Variants in CHRNA1 observed in about 807,000 individuals in gnomAD.
CHRNA1 encodes the protein acetylcholine receptor subunit alpha.
A neutral mutation model predicts 47.1 loss-of-function variants in CHRNA1; 35 were observed. That is an observed-to-expected ratio of 0.74 (90% CI 0.57 to 0.99). CHRNA1 has a LOEUF of 0.99. CHRNA1 is among the 50% of genes least tolerant of loss of function. The probability of loss-of-function intolerance (pLI) is 0.00; values close to 1 mark genes in which losing one functional copy is unlikely to be tolerated. For synonymous variants in CHRNA1, 229 were observed against 223.6 expected, an observed-to-expected ratio of 1.02 and a Z score of -0.22; for missense variants, 506 against 591.1, an observed-to-expected ratio of 0.86 and a Z score of 1.49.
At chr2:174,753,469 C>T (rs751447629) in intron 6 of CHRNA1, 34 bp downstream of exon 6, 20 of 1,576,768 alleles carry the variant, frequency 1.3e-5, no homozygotes, top group African/African-American at 5.4e-5. Context: ...GACCCATCAG[C>T]GTCAGCAGCA....
chr2:174,753,330 AC>A (rs1210416679), intron 6 of CHRNA1, 172 bp downstream of exon 6: 8 of 780,846 alleles, frequency 1.0e-5, no homozygotes, highest in Non-Finnish European at 1.9e-5. Flanking sequence ...TGTGAGCTCC[AC>A]TCACAGTGAC....
At chr2:174,754,453 C>T (rs1683932898) in intron 4 of CHRNA1, 39 bp from the exon 5 acceptor site, 2 of 1,568,658 alleles carry the variant, frequency 1.3e-6, no homozygotes, top group African/African-American at 1.4e-5. Context: ...CTCCAAGTGA[C>T]AGATGAGCCT....
intron 7 of CHRNA1, among the ~76,000 whole-genome samples, chr2:174,749,697 G>A (rs1163774579): frequency 6.6e-6 from 1 of 152,222 alleles, no homozygotes; most frequent in Non-Finnish European, 1.5e-5. Context: ...TCTGATCAAA[G>A]AGATTCTTTA....
Position 174,748,778 on chromosome 2 carries a change from T to C in CHRNA1, c.1044A>G (p.Thr348=). 1 of 1,614,184 alleles carries C rather than the reference T, an allele frequency of 6.2e-7. No homozygotes were observed. The highest frequency in any genetic ancestry group is 8.5e-7 in the Non-Finnish European group (1 of 1,180,034). Residue 348 remains threonine, a synonymous_variant, in exon 8 of 9, where the codon ACA becomes ACG. Coordinates refer to ENST00000348749, the MANE Select transcript of CHRNA1 (RefSeq NM_000079.4). ...GCTTTTCTCTGGATGGTCTTTTCAT[T>C]GTGGAGAAAAACATGATATTTGGGA... ...DTIPNIMFFS[T]MKRPSREKQD... is the part of the protein sequence containing the mutation.
chr2:174,755,979 T>C (rs1003964133), intron 4 of CHRNA1, among the ~76,000 whole-genome samples: 4 of 149,174 alleles, frequency 2.7e-5, no homozygotes, highest in Admixed American at 2.7e-4. Flanking sequence ...AAGGTTGCAA[T>C]GAGCTATGAT....
At chr2:174,758,461 C>T (rs1011066200) in intron 3 of CHRNA1, among the ~76,000 whole-genome samples, 9 of 152,060 alleles carry the variant, frequency 5.9e-5, no homozygotes, top group African/African-American at 1.7e-4. Context: ...CAAAATGCTC[C>T]GAAATCCAAA....
chr2:174,757,716 A>T, intron 3 of CHRNA1, 41 bp from the exon 4 acceptor site: 1 of 1,539,866 alleles, frequency 6.5e-7, no homozygotes. Context: ...AGCCAAAAAC[A>T]CTTTCTAAAA....
intron 1 of CHRNA1, among the ~76,000 whole-genome samples, chr2:174,763,330 G>GCGCACACACA (rs1553470210): frequency 3.3e-4 from 18 of 55,062 alleles, no homozygotes; most frequent in Non-Finnish European, 4.5e-4. Flanking sequence ...GCACGCGCGC[G>GCGCACACACA]CACACACACA....
chr2:174,752,207 AT>A (rs1683868127), intron 6 of CHRNA1, among the ~76,000 whole-genome samples: 1 of 151,248 alleles, frequency 6.6e-6, no homozygotes, highest in Non-Finnish European at 1.5e-5. Context: ...CTATTTATTT[AT>A]TTTTTTAATG....
intron 7 of CHRNA1, 83 bp from the exon 8 acceptor site, chr2:174,748,902 T>C: frequency 1.3e-6 from 2 of 1,569,524 alleles, no homozygotes; most frequent in Non-Finnish European, 1.7e-6. Context: ...ATCAATGTGA[T>C]TTGGGGTAAG....
chr2:174,748,783 A>T lies in CHRNA1; in HGVS notation c.1039T>A (p.Ser347Thr). Residue 347 changes from serine (S) to threonine (T), a missense_variant, in exon 8 of 9, where the codon TCC becomes ACC. Transcript: ENST00000348749. ...TCTCTGGATGGTCTTTTCATTGTGG[A>T]GAAAAACATGATATTTGGGATAGTG... The part of the protein sequence containing the change: ...IDTIPNIMFF[S>T]TMKRPSREKQ... 6.2e-7 allele frequency: 1 copy of T among 1,614,200 alleles called. No homozygotes were observed. The highest frequency in any genetic ancestry group is 8.5e-7 in the Non-Finnish European group (1 of 1,180,034).
chr2:174,748,457 G>A (rs1356926619), intron 8 of CHRNA1, 123 bp downstream of exon 8: 4 of 1,432,496 alleles, frequency 2.8e-6, no homozygotes, highest in East Asian at 2.5e-5. Context: ...GGTCACCAGG[G>A]TTCATCTTAG....
chr2:174,764,235 T>C lies in CHRNA1; in HGVS notation c.43+117A>G, dbSNP rs867123063. On this transcript the variant is annotated intron_variant, in intron 1 of 8. Coordinates refer to ENST00000348749, the MANE Select transcript of CHRNA1 (RefSeq NM_000079.4). ...AAGAAACTGACAGAGCAGCCCCTGGTTGGGGAGGCTCTGCCATTCTGTGGT... is the reference window on the plus strand; with the variant it reads ...AAGAAACTGACAGAGCAGCCCCTGGCTGGGGAGGCTCTGCCATTCTGTGGT... The C allele has an allele frequency of 2.8e-5, 29 of 1,028,536 alleles. 1 individual carries two copies. The Middle Eastern group carries it at 1.8e-3, about 64-fold the overall frequency. 63.7% of individuals were successfully genotyped at this position (1,028,536 alleles called of 1,614,324 possible).
intron 8 of CHRNA1, 120 bp from the exon 9 acceptor site, chr2:174,748,375 T>A: frequency 6.8e-7 from 1 of 1,465,514 alleles, no homozygotes; most frequent in East Asian, 2.4e-5. Flanking sequence ...CTCCCATCCC[T>A]TGGCTGGCAT....
intron 6 of CHRNA1, chr2:174,752,839 A>G (rs993292526): frequency 3.9e-5 from 6 of 152,900 alleles, no homozygotes; most frequent in African/African-American, 1.5e-4. Flanking sequence ...CTTTTTTTCA[A>G]ACTTGTCTGC....
At chr2:174,749,450 A>C (rs1013024703) in intron 7 of CHRNA1, among the ~76,000 whole-genome samples, 3 of 152,036 alleles carry the variant, frequency 2.0e-5, no homozygotes, top group Non-Finnish European at 4.4e-5. Flanking sequence ...TGAAATGTTA[A>C]ATTTTTAAAT....
At chr2:174,759,929 T>TACACACACACACACAC (rs5836472) in intron 1 of CHRNA1, among the ~76,000 whole-genome samples, 10 of 143,984 alleles carry the variant, frequency 6.9e-5, no homozygotes, top group African/African-American at 2.7e-4. Flanking sequence ...GTTTGCCAGG[T>TACACACACACACACAC]ACACACACAC....
At chr2:174,764,278 A>C in intron 1 of CHRNA1, 74 bp downstream of exon 1, 2 of 1,486,816 alleles carry the variant, frequency 1.3e-6, no homozygotes, top group Non-Finnish European at 1.9e-6. Context: ...AAGAAGCAAG[A>C]CTTTGATTTG....
rs1684052781 is a variant in CHRNA1 at position 174,759,562 on chromosome 2, C to G, written c.115G>C (p.Val39Leu). 1 of 1,613,900 alleles carries G rather than the reference C, an allele frequency of 6.2e-7. No homozygotes were observed. Among genetic ancestry groups the G allele is most frequent in the South Asian group, 1.1e-5 (1 of 91,084 alleles). The change falls in exon 2 of 9, where the codon GTG (valine) becomes CTG (leucine). Residue 39 changes from valine to leucine, a missense_variant. Val to Leu is a conservative substitution (Grantham distance 32). Coordinates refer to ENST00000348749, the MANE Select transcript of CHRNA1 (RefSeq NM_000079.4). ...AKLFKDYSSV[V>L]RPVEDHRQVV... ...TGGCGGTGGTCTTCCACTGGCCGCA[C>G]CACGCTGCTGTAGTCTTTAAATAGC... is the stretch of plus-strand genomic sequence containing the variant.
Sources: gnomAD v4.1 joint callset for allele counts (sites outside exome capture counted in the v4.1 genomes callset) on GRCh38, gnomAD v4.1.1 for gene constraint, MANE v1.5 for transcripts, NCBI Gene and HGNC (gene_info 2026-07-23, HGNC 2026-07-21) for gene names.